ATP8B2: variants seen among roughly 807,000 people sequenced by gnomAD.
ATP8B2 encodes phospholipid-transporting ATPase ID.
In ATP8B2, 70 loss-of-function variants were observed where a neutral mutation model predicts 133.4. The ratio of observed to expected loss-of-function variants is 0.52; its 90% CI spans 0.43 to 0.64. ATP8B2 has a LOEUF of 0.64. ATP8B2 is among the 30% of genes least tolerant of loss of function. ATP8B2 has a pLI of 0.00. For missense variants in ATP8B2, 1,101 were observed against 1,535.7 expected (o/e 0.72, Z 4.73); for synonymous variants, 517 against 589.5 (o/e 0.88, Z 1.78).
At position 154,343,096 on chromosome 1, in the gene ATP8B2, T is replaced by C. The variant is rs762958606; in HGVS notation, c.1454-17T>C. On this transcript the variant is annotated splice_polypyrimidine_tract_variant and intron_variant, in intron 15 of 27. Transcript: ENST00000368489. The surrounding 1 kb of genome is among the most constrained non-coding windows in gnomAD (Gnocchi z 5.8). ...GGGAAGCCACTTATATCACGTGTAT[T>C]CTTCCTCCCCACCCAGGAGAGCTGT... 2 of 1,608,116 alleles carry C rather than the reference T, an allele frequency of 1.2e-6. No homozygotes were observed. The highest frequency in any genetic ancestry group is 2.7e-5 in the African/African-American group (2 of 74,762).
In ATP8B2 at chr1:154,345,346, G is replaced by A; in HGVS notation, c.2495G>A (p.Ser832Asn). The A allele has an allele frequency of 6.2e-7, 1 of 1,614,170 alleles. No individual in the cohort carries two copies. The highest frequency in any genetic ancestry group is 1.3e-5 in the African/African-American group (1 of 75,060). The change falls in exon 23 of 28, where the codon AGT becomes AAT. Residue 832 changes from serine (S) to asparagine (N), a missense_variant. Coordinates refer to ENST00000368489, the MANE Select transcript of ATP8B2 (RefSeq NM_001370597.1). This position sits in a 1 kb window ranked among gnomAD's most constrained non-coding sequence, Gnocchi z 5.6. ...GCGGCTCACATTGGTGTGGGGATCA[G>A]TGGGCAGGAAGGGATCCAGGCTGTC... Reference protein sequence around the residue: ...IKTAHIGVGISGQEGIQAVLA... With the variant: ...IKTAHIGVGINGQEGIQAVLA...
chr1:154,328,818 CGCCGGCG>C lies in ATP8B2; in HGVS notation c.31+652_31+658del, dbSNP rs1357794425. On this transcript the variant is annotated intron_variant, in intron 2 of 27. Transcript: ENST00000368489. This position sits in a 1 kb window ranked among gnomAD's most constrained non-coding sequence, Gnocchi z 4.6. ...CAGCTGAGCTCGCGGTGTCCCCGAG[CGCCGGCG>C]GCCGGGAGGATGGCCTGGGCTGCGG... 4.8e-6 allele frequency: 5 copies of C among 1,035,766 alleles called. No homozygotes were observed. In the Admixed American group the frequency reaches 3.0e-4, roughly 63 times the overall value. The allele number at this position is 1,035,766 out of a possible 1,614,324, so 64.2% of individuals were successfully genotyped here.
At chr1:154,333,505 A>G (rs1002996284) in intron 9 of ATP8B2, among the ~76,000 whole-genome samples, 1 of 141,302 alleles carries the variant, frequency 7.1e-6, no homozygotes, top group Admixed American at 6.9e-5. Flanking sequence ...CACTGTCTCA[A>G]AAAAAAAAAA....
rs545102124 is a variant in ATP8B2, at chr1:154,336,589, G to A, written c.838-759G>A. ...TGCAACCTCTGCCTCTCGGGTTCAC[G>A]TGATTCTCCTGCCTCAGCCTCCCTA... On this transcript the variant is annotated intron_variant, in intron 11 of 27. Coordinates refer to ENST00000368489, the MANE Select transcript of ATP8B2 (RefSeq NM_001370597.1). Among the ~76,000 whole-genome samples, 15 of 150,918 alleles carry A rather than the reference G, an allele frequency of 9.9e-5. 1 individual carries two copies. In the Middle Eastern group the frequency reaches 0.021, roughly 208 times the overall value.
rs546783209 is a variant in ATP8B2, at chr1:154,345,171, C to T, written c.2470+17C>T. The T allele has an allele frequency of 5.6e-6, 9 of 1,610,390 alleles. No homozygotes were observed. In the South Asian group the frequency reaches 7.7e-5, roughly 14 times the overall value. ...TGATCAAAAGTGAGTGTGGGCTGTGCAGGTGTGTAGGCTGGGCTTGAGGCT... is the reference window on the plus strand; with the variant it reads ...TGATCAAAAGTGAGTGTGGGCTGTGTAGGTGTGTAGGCTGGGCTTGAGGCT... On this transcript the variant is annotated intron_variant, in intron 22 of 27. Transcript: ENST00000368489. This position sits in a 1 kb window ranked among gnomAD's most constrained non-coding sequence, Gnocchi z 5.6.
rs60305117 is a variant in ATP8B2, at chr1:154,351,072, AT to A, written c.*1962del. The A allele has an allele frequency of 0.39, 58,569 of 149,200 alleles. 13,040 individuals are homozygous for A. The highest frequency in any genetic ancestry group is 0.61 in the East Asian group (3,101 of 5,096). 9.2% of individuals were successfully genotyped at this position (149,200 alleles called of 1,614,324 possible). ...TGATTTTTATACCAAAGAGGAAATGATTTTTTTTCATATTTTGTTTGTCTAT... is the reference window on the plus strand; with the variant it reads ...TGATTTTTATACCAAAGAGGAAATGATTTTTTTCATATTTTGTTTGTCTAT... On this transcript the variant is annotated 3_prime_UTR_variant, in exon 28 of 28. Coordinates refer to ENST00000368489, the MANE Select transcript of ATP8B2 (RefSeq NM_001370597.1).
chr1:154,326,593 G>C (rs1553294944), intron 1 of ATP8B2, among the ~76,000 whole-genome samples: 2 of 152,018 alleles, frequency 1.3e-5, no homozygotes, highest in Non-Finnish European at 2.9e-5. Context: ...TGGAATGATG[G>C]CCCCCCCAGA....
In ATP8B2 at chr1:154,331,615, G is replaced by A; in HGVS notation, c.375G>A (p.Gln125=). 1 of 1,614,192 alleles carries A rather than the reference G, an allele frequency of 6.2e-7. No individual in the cohort carries two copies. Among genetic ancestry groups the A allele is most frequent in the Non-Finnish European group, 8.5e-7 (1 of 1,180,040 alleles). ...SQVLINGILQ[Q]EQWMNVCVGD... ...CTTCTCGTTGCCTCAGCCTCCAGCAGGAGCAGTGGATGAATGTCTGTGTTG... is the reference window on the plus strand; with the variant it reads ...CTTCTCGTTGCCTCAGCCTCCAGCAAGAGCAGTGGATGAATGTCTGTGTTG... The change falls in exon 7 of 28, where the codon CAG becomes CAA. Residue 125 remains glutamine, a synonymous_variant. Transcript: ENST00000368489. The surrounding 1 kb of genome is among the most constrained non-coding windows in gnomAD (Gnocchi z 4.8).
intron 14 of ATP8B2, 63 bp from the exon 15 acceptor site, chr1:154,342,733 A>T (rs968288537): frequency 6.4e-6 from 10 of 1,568,880 alleles, no homozygotes; most frequent in Non-Finnish European, 8.7e-6. Context: ...GCAGGGATGA[A>T]CCCTTCCCCG....
At position 154,351,294 on chromosome 1, in the gene ATP8B2, T is replaced by G. The variant is rs1270171807; in HGVS notation, c.*2176T>G. On this transcript the variant is annotated 3_prime_UTR_variant, in exon 28 of 28. Coordinates refer to ENST00000368489, the MANE Select transcript of ATP8B2 (RefSeq NM_001370597.1). ...GAGAAAAATGCCTTTTTATAAAATT[T>G]CAATTTCTGAGAAGTGTGTAATTTG... 6.6e-6 allele frequency: 1 copy of G among 152,602 alleles called. No individual in the cohort carries two copies. Among genetic ancestry groups the G allele is most frequent in the Non-Finnish European group, 1.5e-5 (1 of 68,032 alleles). The allele number at this position is 152,602 out of a possible 1,614,324, so 9.5% of individuals were successfully genotyped here. A position where few individuals can be genotyped will look rare whatever the true frequency, so the allele number is the denominator to read the frequency against.
At chr1:154,339,468 A>T (rs566860919) in intron 12 of ATP8B2, among the ~76,000 whole-genome samples, 1 of 152,352 alleles carries the variant, frequency 6.6e-6, no homozygotes, top group African/African-American at 2.4e-5. Flanking sequence ...TAGCCTGCTC[A>T]TTGTGACTGT....
In ATP8B2 at chr1:154,342,977, G is replaced by T; in HGVS notation, c.1453+16G>T. On this transcript the variant is annotated intron_variant, in intron 15 of 27. Transcript: ENST00000368489. ...AAGAACGAAGGTGGGCCGAGGAGCC[G>T]GCTCGCACTCTCCTGACCTGACTCT... 1 of 1,612,906 alleles carries T rather than the reference G, an allele frequency of 6.2e-7. No homozygotes were observed. The highest frequency in any genetic ancestry group is 8.5e-7 in the Non-Finnish European group (1 of 1,179,376).
chr1:154,334,296 G>C lies in ATP8B2; in HGVS notation c.748+31G>C. The C allele has an allele frequency of 6.2e-7, 1 of 1,609,514 alleles. No homozygotes were observed. The highest frequency in any genetic ancestry group is 1.3e-5 in the African/African-American group (1 of 74,944). ...CCTCCTAGCATCCAAAGAAAGAAGG[G>C]TAAGAGTGACTCAGCCAGCCCTCAC... On this transcript the variant is annotated intron_variant, in intron 10 of 27. Coordinates refer to ENST00000368489, the MANE Select transcript of ATP8B2 (RefSeq NM_001370597.1). The surrounding 1 kb of genome is among the most constrained non-coding windows in gnomAD (Gnocchi z 4.6).
Position 154,351,107 on chromosome 1 carries a change from A to AAT in ATP8B2, c.*1999_*2000dup, listed in dbSNP as rs1686775232. On this transcript the variant is annotated 3_prime_UTR_variant, in exon 28 of 28. Transcript: ENST00000368489. Reference sequence around the variant, plus strand: ...ATATTTTGTTTGTCTATATTATATAAATATATATATACAGTTATATATATA... The same window carrying AAT: ...ATATTTTGTTTGTCTATATTATATAAATATATATATATACAGTTATATATATA... 6 of 140,794 alleles carry AAT rather than the reference A, an allele frequency of 4.3e-5. No homozygotes were observed. Among genetic ancestry groups the AAT allele is most frequent in the Middle Eastern group, 3.7e-3 (1 of 268 alleles). The allele number at this position is 140,794 out of a possible 1,614,324, so 8.7% of individuals were successfully genotyped here. A position where few individuals can be genotyped will look rare whatever the true frequency, so the allele number is the denominator to read the frequency against.
chr1:154,326,872 T>C (rs915310798), intron 1 of ATP8B2, among the ~76,000 whole-genome samples: 1 of 152,186 alleles, frequency 6.6e-6, no homozygotes, highest in South Asian at 2.1e-4. Context: ...CCGTGACTCA[T>C]ACTCAGACTG....
Position 154,334,412 on chromosome 1 carries a change from C to T in ATP8B2, c.749-91C>T. 6.6e-7 allele frequency: 1 copy of T among 1,525,248 alleles called. No individual in the cohort carries two copies. Among genetic ancestry groups the T allele is most frequent in the Non-Finnish European group, 9.0e-7 (1 of 1,107,658 alleles). 94.5% of individuals were successfully genotyped at this position (1,525,248 alleles called of 1,614,324 possible). ...TCTTATCTAGCCAGTATCTCTATTC[C>T]ACCCTGGTGTCCTGCAGTCTGGGGA... On this transcript the variant is annotated intron_variant, in intron 10 of 27. Transcript: ENST00000368489. This position sits in a 1 kb window ranked among gnomAD's most constrained non-coding sequence, Gnocchi z 4.6.
intron 1 of ATP8B2, among the ~76,000 whole-genome samples, chr1:154,327,158 G>A (rs1408980441): frequency 6.6e-6 from 1 of 152,178 alleles, no homozygotes; most frequent in African/African-American, 2.4e-5. Context: ...CTGACAGGTT[G>A]GTGGGGTGTG....
In ATP8B2 at chr1:154,343,173, A is replaced by G. The variant is rs757779634; in HGVS notation, c.1514A>G (p.Asn505Ser). 4 of 1,614,120 alleles carry G rather than the reference A, an allele frequency of 2.5e-6. No individual in the cohort carries two copies. Among genetic ancestry groups the G allele is most frequent in the Non-Finnish European group, 3.4e-6 (4 of 1,180,022 alleles). The part of the protein sequence containing the change: ...DEGALVTAAR[N>S]FGFVFRSRTP... The stretch of plus-strand genomic sequence containing the variant: ...GGGGCCCTGGTCACCGCAGCCAGGA[A>G]CTTTGGTTTTGTTTTCCGCTCTCGC... The change falls in exon 16 of 28, where the codon AAC becomes AGC. Residue 505 changes from asparagine (N) to serine (S), a missense_variant. Transcript: ENST00000368489. The surrounding 1 kb of genome is among the most constrained non-coding windows in gnomAD (Gnocchi z 5.8).
chr1:154,348,325 T>C, intron 26 of ATP8B2, 83 bp from the exon 27 acceptor site: 2 of 1,455,066 alleles, frequency 1.4e-6, no homozygotes, highest in East Asian at 2.4e-5. Flanking sequence ...GCTTTGAGAG[T>C]AGGGAAGTGG....
Sources: allele counts gnomAD v4.1 joint callset (sites outside exome capture counted in the v4.1 genomes callset), GRCh38; gene constraint gnomAD v4.1.1; non-coding constraint Gnocchi (gnomAD v3.1); transcripts MANE v1.5; gene names NCBI Gene and HGNC (gene_info 2026-07-23, HGNC 2026-07-21).